Variants in TLL2 observed in about 807,000 individuals in gnomAD.
TLL2 encodes the protein tolloid-like protein 2.
TLL2 carries 106 observed loss-of-function variants against 123.0 expected under a neutral mutation model. That is an observed-to-expected ratio of 0.86 (90% CI 0.74 to 1.01). The LOEUF (loss-of-function observed/expected upper bound fraction) is 1.01, where lower values mean the gene tolerates loss of function less well. Ranked by LOEUF, TLL2 falls within the 50% of genes least tolerant of loss-of-function variation. TLL2 has a pLI of 0.00. For missense variants in TLL2, 1,332 were observed against 1,336.7 expected (o/e 1.00, Z 0.06); for synonymous variants, 494 against 516.8 (o/e 0.96, Z 0.60).
At chr10:96,452,966 C>A (rs756333072) in intron 2 of TLL2, among the ~76,000 whole-genome samples, 1 of 152,108 alleles carries the variant, frequency 6.6e-6, no homozygotes, top group Non-Finnish European at 1.5e-5. Context: ...CTTTTATATC[C>A]GTGCCAAATT....
intron 1 of TLL2, among the ~76,000 whole-genome samples, chr10:96,509,903 G>GC (rs1847611353): frequency 1.3e-5 from 2 of 152,126 alleles, no homozygotes; most frequent in African/African-American, 4.8e-5. Flanking sequence ...GCCGAGATCA[G>GC]GCCACTGCAC....
intron 4 of TLL2, 96 bp downstream of exon 4, chr10:96,432,711 T>C: frequency 6.7e-7 from 1 of 1,495,936 alleles, no homozygotes; most frequent in Non-Finnish European, 9.0e-7. Context: ...CCCTAACATC[T>C]GCTCCATCCC....
At chr10:96,372,873 C>CG (rs1447884551) in intron 19 of TLL2, among the ~76,000 whole-genome samples, 5 of 151,972 alleles carry the variant, frequency 3.3e-5, no homozygotes, top group Admixed American at 2.0e-4. Flanking sequence ...TTGTAGAGAT[C>CG]GGGGGGTGGT....
intron 14 of TLL2, among the ~76,000 whole-genome samples, chr10:96,386,628 C>A (rs929921274): frequency 6.6e-6 from 1 of 152,226 alleles, no homozygotes; most frequent in East Asian, 1.9e-4. Context: ...AAAGTGCTAT[C>A]GGTTGAGTCA....
chr10:96,438,972 G>T (rs555717947), intron 3 of TLL2, among the ~76,000 whole-genome samples: 1 of 151,910 alleles, frequency 6.6e-6, no homozygotes, highest in Admixed American at 6.6e-5. Flanking sequence ...ATTTTCAAAT[G>T]TTGAATCAGC....
intron 13 of TLL2, among the ~76,000 whole-genome samples, chr10:96,391,540 G>A (rs1007586634): frequency 3.9e-5 from 6 of 152,282 alleles, no homozygotes; most frequent in South Asian, 2.1e-4. Flanking sequence ...GAAACAGAGC[G>A]GATTGTGGAA....
intron 2 of TLL2, among the ~76,000 whole-genome samples, chr10:96,468,194 C>T (rs1847147395): frequency 1.3e-5 from 2 of 152,322 alleles, no homozygotes; most frequent in South Asian, 4.1e-4. Context: ...TTTCCACGTC[C>T]TCCCTCCCCA....
chr10:96,379,225 C>A, intron 16 of TLL2, 133 bp from the exon 17 acceptor site: 1 of 1,165,734 alleles, frequency 8.6e-7, no homozygotes. Flanking sequence ...CTGATTGTTC[C>A]CTCACTGGAG....
At chr10:96,421,105 G>C in intron 6 of TLL2, 44 bp from the exon 7 acceptor site, 2 of 1,498,502 alleles carry the variant, frequency 1.3e-6, no homozygotes, top group South Asian at 2.3e-5. Flanking sequence ...ACCAAGTCAG[G>C]CACCTGAAAG....
chr10:96,378,321 A>C (rs10786285), intron 17 of TLL2, among the ~76,000 whole-genome samples: 49,916 of 152,084 alleles, frequency 0.33, 9,149 homozygotes, highest in East Asian at 0.66. Context: ...AAATGTTCGA[A>C]ATCCCTTCAC....
intron 10 of TLL2, among the ~76,000 whole-genome samples, chr10:96,403,613 G>T (rs957323461): frequency 2.0e-5 from 3 of 152,124 alleles, no homozygotes; most frequent in African/African-American, 7.2e-5. Context: ...GCGGGGTATT[G>T]TCTCCCCATG....
At chr10:96,462,822 G>A (rs1847093408) in intron 2 of TLL2, among the ~76,000 whole-genome samples, 1 of 152,170 alleles carries the variant, frequency 6.6e-6, no homozygotes, top group Non-Finnish European at 1.5e-5. Flanking sequence ...CCGCTAGTCA[G>A]CACTTCAGCA....
rs1238163328 is a variant in TLL2 at position 96,392,028 on chromosome 10, G to A, written c.1726+3159C>T. Among the ~76,000 whole-genome samples the A allele has an allele frequency of 2.6e-5, 4 of 152,278 alleles. No homozygotes were observed. In the East Asian group the frequency reaches 7.7e-4, roughly 29 times the overall value. On this transcript the variant is annotated intron_variant, in intron 13 of 20. Transcript: ENST00000357947. ...CACACCCACACAGCAATGTCATCGCGCATTTGCTGCTAATCTCCTTCACCA... is the reference window on the plus strand; with the variant it reads ...CACACCCACACAGCAATGTCATCGCACATTTGCTGCTAATCTCCTTCACCA...
chr10:96,440,464 C>T (rs902576212), intron 3 of TLL2, among the ~76,000 whole-genome samples: 2 of 152,230 alleles, frequency 1.3e-5, no homozygotes, highest in African/African-American at 4.8e-5. Flanking sequence ...ATTATCCAGT[C>T]TTAAGTAATC....
chr10:96,374,658 C>T (rs10786283), intron 18 of TLL2: 150,716 of 152,374 alleles, frequency 0.99, 74,560 homozygotes, highest in South Asian at 1. Context: ...CCAGCTCACA[C>T]AGCTGGAGAC....
chr10:96,440,575 T>C (rs1846841964), intron 3 of TLL2, among the ~76,000 whole-genome samples: 1 of 152,226 alleles, frequency 6.6e-6, no homozygotes, highest in Non-Finnish European at 1.5e-5. Context: ...CTTTGGAGAA[T>C]GGGCAAAAAT....
intron 2 of TLL2, among the ~76,000 whole-genome samples, chr10:96,465,271 G>C (rs1847117652): frequency 2.6e-5 from 4 of 152,350 alleles, no homozygotes; most frequent in Middle Eastern, 6.8e-3. Flanking sequence ...CTGGGGGCTG[G>C]CATTTGTCAG....
rs768021885 is a variant in TLL2 at position 96,376,740 on chromosome 10, C to G, written c.2400G>C (p.Arg800Ser). 6.2e-7 allele frequency: 1 copy of G among 1,607,146 alleles called. No individual in the cohort carries two copies. Among genetic ancestry groups the G allele is most frequent in the African/African-American group, 1.3e-5 (1 of 74,348 alleles). Residue 800 changes from arginine (R) to serine (S), a missense_variant, in exon 18 of 21, where the codon AGG (arginine) becomes AGC (serine). Arg to Ser is a moderately radical substitution (Grantham distance 110, BLOSUM62 -1). Coordinates refer to ENST00000357947, the MANE Select transcript of TLL2 (RefSeq NM_012465.4). Reference sequence around the variant, plus strand: ...TCGAAGAGATGTTCCAGGTACACTCCCTCCGGCTGGGGTATTTGTCAGGCC... The same window carrying G: ...TCGAAGAGATGTTCCAGGTACACTCGCTCCGGCTGGGGTATTTGTCAGGCC... ...PNWPDKYPSRRECTWNISSTA... is the reference protein window; with the variant it reads ...PNWPDKYPSRSECTWNISSTA...
intron 15 of TLL2, among the ~76,000 whole-genome samples, 161 bp from the exon 16 acceptor site, chr10:96,384,928 G>T (rs1400913663): frequency 6.6e-6 from 1 of 152,208 alleles, no homozygotes; most frequent in African/African-American, 2.4e-5. Context: ...AGCTCCAGAG[G>T]GCACAGGGGG....
Sources: allele counts gnomAD v4.1 joint callset (sites outside exome capture counted in the v4.1 genomes callset), GRCh38; gene constraint gnomAD v4.1.1; transcripts MANE v1.5; gene names NCBI Gene and HGNC (gene_info 2026-07-23, HGNC 2026-07-21).